TLN2: variants seen among roughly 807,000 people sequenced by gnomAD.
TLN2 encodes talin 2.
In TLN2, 118 loss-of-function variants were observed where a neutral mutation model predicts 294.7. That is an observed-to-expected ratio of 0.40 (90% confidence interval 0.34 to 0.47). The LOEUF (loss-of-function observed/expected upper bound fraction) is 0.47. Ranked by LOEUF, TLN2 falls within the 20% of genes least tolerant of loss-of-function variation. TLN2 has a pLI of 0.84. For synonymous variants in TLN2, 1,431 were observed against 1,304.5 expected (o/e 1.10, Z -2.09); for missense variants, 3,083 against 3,282.2 (o/e 0.94, Z 1.48).
intron 1 of TLN2, among the ~76,000 whole-genome samples, chr15:62,575,025 T>C (rs1257908196): frequency 3.3e-5 from 5 of 152,146 alleles, no homozygotes; most frequent in Admixed American, 6.6e-5. Context: ...TTATTATCTG[T>C]TTCAGGGCTG....
chr15:62,430,725 T>C (rs763938053), intron 1 of TLN2, among the ~76,000 whole-genome samples: 10 of 152,106 alleles, frequency 6.6e-5, no homozygotes, highest in Non-Finnish European at 1.3e-4. Context: ...ATGAGTAAAG[T>C]ATAAGTCATG....
Position 62,700,745 on chromosome 15 carries a change from A to G in TLN2, c.1588-361A>G, listed in dbSNP as rs111841220. 2.0e-5 allele frequency among the ~76,000 whole-genome samples: 3 copies of G among 152,354 alleles called. 1 individual carries two copies. The highest frequency in any genetic ancestry group is 7.2e-5 in the African/African-American group (3 of 41,588). On this transcript the variant is annotated intron_variant, in intron 16 of 58. Transcript: ENST00000636159. ...CAAAGCAAGGTGAAAATTAGCAACAACTATTAGTGCTAATGTGCAGTATTA... is the reference window on the plus strand; with the variant it reads ...CAAAGCAAGGTGAAAATTAGCAACAGCTATTAGTGCTAATGTGCAGTATTA...
chr15:62,568,421 C>T (rs1168960567), intron 1 of TLN2, among the ~76,000 whole-genome samples: 1 of 152,062 alleles, frequency 6.6e-6, no homozygotes, highest in Non-Finnish European at 1.5e-5. Flanking sequence ...GAACATTGAA[C>T]GATTATTTTT....
intron 51 of TLN2, 35 bp downstream of exon 51, chr15:62,805,820 G>A (rs1247335285): frequency 6.3e-7 from 1 of 1,595,326 alleles, no homozygotes; most frequent in Non-Finnish European, 8.6e-7. Flanking sequence ...ATGGACAGAT[G>A]ATTCTCTGTC....
intron 43 of TLN2, among the ~76,000 whole-genome samples, chr15:62,777,603 G>T (rs1489957705): frequency 4.0e-5 from 6 of 151,344 alleles, no homozygotes; most frequent in African/African-American, 1.5e-4. Flanking sequence ...GGAGCTTTAA[G>T]AATGTAGATT....
In TLN2 at chr15:62,465,841, C is replaced by G. The variant is rs571489042; in HGVS notation, c.-238+75156C>G. ...GTTTATGCATTTCTGCAGAGCAGAA[C>G]ATAGAATTGGAAATGAAGCTTCCAT... On this transcript the variant is annotated intron_variant, in intron 1 of 58. Coordinates refer to ENST00000636159, the MANE Select transcript of TLN2 (RefSeq NM_015059.3). Among the ~76,000 whole-genome samples, 9 of 152,230 alleles carry G rather than the reference C, an allele frequency of 5.9e-5. No homozygotes were observed. The East Asian group carries it at 1.7e-3, about 29-fold the overall frequency.
At position 62,694,302 on chromosome 15, in the gene TLN2, T is replaced by C; in HGVS notation, c.1216-14T>C. 1 of 1,613,946 alleles carries C rather than the reference T, an allele frequency of 6.2e-7. No individual in the cohort carries two copies. Among genetic ancestry groups the C allele is most frequent in the South Asian group, 1.1e-5 (1 of 91,078 alleles). On this transcript the variant is annotated splice_polypyrimidine_tract_variant and intron_variant, in intron 13 of 58. Transcript: ENST00000636159. ...TGGTTTTCATTTTTGCATCTTGTTT[T>C]ATTGCATTTCCAGAAACAAAGTAAA...
intron 46 of TLN2, among the ~76,000 whole-genome samples, chr15:62,793,219 G>C (rs1361629654): frequency 6.6e-6 from 1 of 152,222 alleles, no homozygotes; most frequent in Admixed American, 6.5e-5. Context: ...AATCCCTTTG[G>C]TGTAACCTCT....
chr15:62,778,899 C>T (rs1325805854), intron 43 of TLN2, among the ~76,000 whole-genome samples: 1 of 152,206 alleles, frequency 6.6e-6, no homozygotes, highest in Non-Finnish European at 1.5e-5. Context: ...TCCCATTCTC[C>T]CTTTGCTCAG....
At chr15:62,572,531 T>C (rs1277271538) in intron 1 of TLN2, among the ~76,000 whole-genome samples, 2 of 152,160 alleles carry the variant, frequency 1.3e-5, no homozygotes, top group African/African-American at 4.8e-5. Flanking sequence ...CAGGGCAGCC[T>C]TTTTTTCCCC....
intron 12 of TLN2, chr15:62,690,125 G>C: frequency 6.8e-6 from 1 of 147,784 alleles, no homozygotes. Context: ...CCTCCCGGAC[G>C]GGGCGGCTGG....
chr15:62,426,344 T>C (rs2034706605), intron 1 of TLN2, among the ~76,000 whole-genome samples: 1 of 152,210 alleles, frequency 6.6e-6, no homozygotes, highest in Non-Finnish European at 1.5e-5. Context: ...ACCAGACACC[T>C]TGGGAGGCAG....
At chr15:62,719,926 G>A in intron 25 of TLN2, 46 bp downstream of exon 25, 1 of 1,448,424 alleles carries the variant, frequency 6.9e-7, no homozygotes, top group Admixed American at 2.1e-5. Context: ...GCCCTCTTCT[G>A]GGCAGGGGCT....
intron 43 of TLN2, among the ~76,000 whole-genome samples, chr15:62,778,744 G>A (rs866367063): frequency 6.6e-6 from 1 of 152,216 alleles, no homozygotes; most frequent in South Asian, 2.1e-4. Context: ...ATTAGGAACT[G>A]CCAGCCAACA....
chr15:62,562,149 TA>T (rs1385358042), intron 1 of TLN2, among the ~76,000 whole-genome samples: 3 of 152,266 alleles, frequency 2.0e-5, no homozygotes, highest in African/African-American at 7.2e-5. Context: ...ATTTTGATTT[TA>T]TTTTTTAACT....
chr15:62,591,239 T>A (rs550317318), intron 2 of TLN2, among the ~76,000 whole-genome samples: 19 of 152,244 alleles, frequency 1.2e-4, no homozygotes, highest in Non-Finnish European at 2.4e-4. Flanking sequence ...GTTTATTTCC[T>A]ATGTCTTCCT....
In TLN2 at chr15:62,755,484, T is replaced by G. The variant is rs770369106; in HGVS notation, c.4477-48T>G. On this transcript the variant is annotated intron_variant, in intron 36 of 58. Coordinates refer to ENST00000636159, the MANE Select transcript of TLN2 (RefSeq NM_015059.3). ...AGGGCTGAGGACCGGGGTGGACCCC[T>G]CTGCACTGTAGCATGGGGTACCCCC... is the stretch of plus-strand genomic sequence containing the variant. 2.9e-5 allele frequency: 46 copies of G among 1,599,200 alleles called. 2 individuals carry two copies. The South Asian group carries it at 5.3e-4, about 18-fold the overall frequency.
At chr15:62,465,680 C>T (rs975647946) in intron 1 of TLN2, among the ~76,000 whole-genome samples, 5 of 152,170 alleles carry the variant, frequency 3.3e-5, no homozygotes, top group Non-Finnish European at 7.3e-5. Context: ...CTAAGTCTGT[C>T]CCCTAAGATG....
At chr15:62,536,536 C>T (rs1216314562) in intron 1 of TLN2, among the ~76,000 whole-genome samples, 1 of 152,180 alleles carries the variant, frequency 6.6e-6, no homozygotes, top group Non-Finnish European at 1.5e-5. Flanking sequence ...TTTTTGCCTA[C>T]CTGCAGTGGA....
Sources: allele counts gnomAD v4.1 joint callset (sites outside exome capture counted in the v4.1 genomes callset), GRCh38; gene constraint gnomAD v4.1.1; transcripts MANE v1.5; gene names NCBI Gene and HGNC (gene_info 2026-07-23, HGNC 2026-07-21).